Variants in LRFN5 observed in about 807,000 individuals in gnomAD.
The protein encoded by LRFN5 is leucine-rich repeat and fibronectin type-III domain-containing protein 5.
LRFN5 carries 24 observed loss-of-function variants against 45.6 expected under a neutral mutation model. The observed-to-expected ratio is 0.53, with a 90% confidence interval of 0.38 to 0.74. The LOEUF (loss-of-function observed/expected upper bound fraction) is 0.74, where lower values mean the gene tolerates loss of function less well. Among genes scored for constraint, LRFN5 ranks in the 30% least tolerant of loss-of-function variants. The pLI, the probability that LRFN5 is intolerant of heterozygous loss-of-function variation, is 0.00. For missense variants in LRFN5, 776 were observed against 861.5 expected (o/e 0.90, Z 1.24); for synonymous variants, 340 against 313.8 (o/e 1.08, Z -0.88).
At chr14:41,750,308 T>C (rs1367179691) in intron 1 of LRFN5, among the ~76,000 whole-genome samples, 1 of 148,590 alleles carries the variant, frequency 6.7e-6, no homozygotes, top group Admixed American at 6.7e-5. Context: ...AGATTTTTTA[T>C]ATGTATATAA....
At chr14:41,716,796 C>T (rs1481493420) in intron 1 of LRFN5, among the ~76,000 whole-genome samples, 1 of 152,130 alleles carries the variant, frequency 6.6e-6, no homozygotes, top group Admixed American at 6.6e-5. Context: ...TCAGCAGCAC[C>T]CCACTCTACT....
At chr14:41,732,112 GA>G (rs1430743859) in intron 1 of LRFN5, among the ~76,000 whole-genome samples, 2 of 152,178 alleles carry the variant, frequency 1.3e-5, no homozygotes, top group African/African-American at 4.8e-5. Context: ...AGTTAATTTT[GA>G]TCTTCCACTT....
intron 1 of LRFN5, among the ~76,000 whole-genome samples, chr14:41,652,824 G>A (rs924663499): frequency 6.6e-6 from 1 of 152,036 alleles, no homozygotes; most frequent in African/African-American, 2.4e-5. Flanking sequence ...ACCAGCATCT[G>A]TTATTTTTTT....
intron 1 of LRFN5, among the ~76,000 whole-genome samples, chr14:41,663,198 G>C (rs563955541): frequency 6.6e-6 from 1 of 152,142 alleles, no homozygotes; most frequent in East Asian, 1.9e-4. Flanking sequence ...TAGCCAAACC[G>C]CCGTGCTGTT....
intron 1 of LRFN5, among the ~76,000 whole-genome samples, chr14:41,681,790 AT>A (rs1881896953): frequency 2.2e-5 from 3 of 136,020 alleles, no homozygotes; most frequent in East Asian, 2.6e-4. Flanking sequence ...CTTTTATTTT[AT>A]TTTATTTTAT....
At chr14:41,659,944 T>A (rs1178819833) in intron 1 of LRFN5, among the ~76,000 whole-genome samples, 3 of 151,864 alleles carry the variant, frequency 2.0e-5, no homozygotes, top group African/African-American at 7.2e-5. Context: ...TTCTGGATAT[T>A]AGTCCTTTGT....
At chr14:41,879,579 A>G (rs1890302881) in intron 2 of LRFN5, among the ~76,000 whole-genome samples, 1 of 151,260 alleles carries the variant, frequency 6.6e-6, no homozygotes, top group Non-Finnish European at 1.5e-5. Flanking sequence ...AATTGTATAC[A>G]TAACTGATAT....
At chr14:41,806,493 C>T (rs185544126) in intron 2 of LRFN5, among the ~76,000 whole-genome samples, 52 of 152,194 alleles carry the variant, frequency 3.4e-4, no homozygotes, top group African/African-American at 1.2e-3. Flanking sequence ...AGTGATAGCA[C>T]TTAAGATAGA....
At chr14:41,646,657 T>G (rs1250083735) in intron 1 of LRFN5, among the ~76,000 whole-genome samples, 1 of 152,214 alleles carries the variant, frequency 6.6e-6, no homozygotes, top group African/African-American at 2.4e-5. Context: ...TGTTTTTGAT[T>G]TTATGTTAGT....
At chr14:41,780,356 T>C (rs998979432) in intron 2 of LRFN5, among the ~76,000 whole-genome samples, 1 of 151,070 alleles carries the variant, frequency 6.6e-6, no homozygotes, top group Non-Finnish European at 1.5e-5. Context: ...CATCTTTTAA[T>C]GCACTGTTAG....
intron 2 of LRFN5, among the ~76,000 whole-genome samples, chr14:41,804,452 A>G (rs1185809104): frequency 3.9e-5 from 6 of 152,114 alleles, no homozygotes; most frequent in African/African-American, 1.4e-4. Context: ...TACCTGCAGG[A>G]GTAACTGGGG....
At chr14:41,670,498 A>G (rs1881153734) in intron 1 of LRFN5, among the ~76,000 whole-genome samples, 1 of 151,366 alleles carries the variant, frequency 6.6e-6, no homozygotes, top group Non-Finnish European at 1.5e-5. Flanking sequence ...ATGCTTAATT[A>G]GGAAAATATC....
intron 1 of LRFN5, among the ~76,000 whole-genome samples, chr14:41,660,824 A>AAT (rs34487620): frequency 1.7e-4 from 26 of 148,794 alleles, no homozygotes; most frequent in East Asian, 7.9e-4. Flanking sequence ...ATTCTCTTTA[A>AAT]ATATATATAT....
chr14:41,861,946 C>G (rs1221142725), intron 2 of LRFN5, among the ~76,000 whole-genome samples: 1 of 152,070 alleles, frequency 6.6e-6, no homozygotes, highest in Non-Finnish European at 1.5e-5. Context: ...GAGGGAGGGA[C>G]CTGGTGTGAG....
At chr14:41,674,195 C>T (rs1311734991) in intron 1 of LRFN5, among the ~76,000 whole-genome samples, 7 of 131,260 alleles carry the variant, frequency 5.3e-5, no homozygotes, top group African/African-American at 1.4e-4. Context: ...GCTGGCCGGG[C>T]GGGGGGCTGA....
rs1468856811 is a variant in LRFN5, at chr14:41,607,904, T to A, written c.-855T>A. 1 of 152,246 alleles carries A rather than the reference T, an allele frequency of 6.6e-6. No individual in the cohort carries two copies. The highest frequency in any genetic ancestry group is 1.5e-5 in the Non-Finnish European group (1 of 68,064). The allele number at this position is 152,246 out of a possible 1,614,324, so 9.4% of individuals were successfully genotyped here. A position where few individuals can be genotyped will look rare whatever the true frequency, so the allele number is the denominator to read the frequency against. Reference sequence around the variant, plus strand: ...AAGCCAAAAGTTCAGCCCTTCGAACTGGTTTGCTATACAAAACAAAACAAA... The same window carrying A: ...AAGCCAAAAGTTCAGCCCTTCGAACAGGTTTGCTATACAAAACAAAACAAA... On this transcript the variant is annotated 5_prime_UTR_variant, in exon 1 of 6. Transcript: ENST00000298119.
chr14:41,860,936 T>C (rs1889638702), intron 2 of LRFN5, among the ~76,000 whole-genome samples: 1 of 152,202 alleles, frequency 6.6e-6, no homozygotes, highest in East Asian at 1.9e-4. Flanking sequence ...TTTGAAAGAA[T>C]ACTCTAAAGC....
intron 2 of LRFN5, among the ~76,000 whole-genome samples, chr14:41,806,678 G>A (rs1887536573): frequency 6.6e-6 from 1 of 152,146 alleles, no homozygotes; most frequent in Admixed American, 6.6e-5. Flanking sequence ...TATGGATTAG[G>A]ACTGGGGATT....
chr14:41,733,809 A>G (rs1014281402), intron 1 of LRFN5, among the ~76,000 whole-genome samples: 5 of 151,544 alleles, frequency 3.3e-5, no homozygotes, highest in African/African-American at 4.8e-5. Context: ...AATTTAAAAT[A>G]TTAATATATA....
Sources: allele counts gnomAD v4.1 joint callset (sites outside exome capture counted in the v4.1 genomes callset), GRCh38; gene constraint gnomAD v4.1.1; transcripts MANE v1.5; gene names NCBI Gene and HGNC (gene_info 2026-07-23, HGNC 2026-07-21).